Variants in IPCEF1 observed in about 807,000 individuals in gnomAD.
IPCEF1 encodes interactor protein for cytohesin exchange factors 1.
A neutral mutation model predicts 50.9 loss-of-function variants in IPCEF1; 31 were observed. The ratio of observed to expected loss-of-function variants is 0.61; its 90% CI spans 0.46 to 0.82. The LOEUF is 0.82. Ranked by LOEUF, IPCEF1 falls within the 40% of genes least tolerant of loss-of-function variation. The probability of loss-of-function intolerance (pLI) is 0.00; values close to 1 mark genes in which losing one functional copy is unlikely to be tolerated. For missense variants in IPCEF1, 458 were observed against 514.0 expected (o/e 0.89, Z 1.05); for synonymous variants, 181 against 192.0 (o/e 0.94, Z 0.47).
intron 2 of IPCEF1, among the ~76,000 whole-genome samples, chr6:154,283,595 C>A (rs1583944543): frequency 6.6e-6 from 1 of 151,892 alleles, no homozygotes; most frequent in Non-Finnish European, 1.5e-5. Flanking sequence ...GAGACTCCAT[C>A]TCAAAAAAAA....
chr6:154,332,112 G>A (rs6938560), intron 1 of IPCEF1, among the ~76,000 whole-genome samples: 3 of 152,070 alleles, frequency 2.0e-5, no homozygotes, highest in Admixed American at 6.6e-5. Context: ...ACAGACAACC[G>A]ATTTGTTGCC....
chr6:154,179,261 G>A (rs1485113328), intron 10 of IPCEF1, among the ~76,000 whole-genome samples: 1 of 152,168 alleles, frequency 6.6e-6, no homozygotes, highest in Non-Finnish European at 1.5e-5. Flanking sequence ...TAAGACTACA[G>A]CAGGCTTGTC....
chr6:154,182,992 T>A (rs1801027426), intron 10 of IPCEF1, among the ~76,000 whole-genome samples: 1 of 149,682 alleles, frequency 6.7e-6, no homozygotes, highest in Non-Finnish European at 1.5e-5. Flanking sequence ...TTTTTTCTTT[T>A]TTTTTGAGAC....
chr6:154,246,528 C>A (rs1385934385), intron 5 of IPCEF1, 63 bp downstream of exon 5: 32 of 1,516,034 alleles, frequency 2.1e-5, no homozygotes, highest in Non-Finnish European at 2.2e-5. Context: ...TAGGGATCAC[C>A]TGATGCCTTT....
intron 5 of IPCEF1, among the ~76,000 whole-genome samples, chr6:154,232,676 C>G (rs1304975078): frequency 6.6e-6 from 1 of 152,090 alleles, no homozygotes; most frequent in Admixed American, 6.5e-5. Flanking sequence ...AAAAAAACAA[C>G]CCTGGATTTG....
At chr6:154,171,741 T>C (rs1012065971) in intron 10 of IPCEF1, among the ~76,000 whole-genome samples, 3 of 152,180 alleles carry the variant, frequency 2.0e-5, no homozygotes, top group Non-Finnish European at 4.4e-5. Context: ...CTGGAGACAC[T>C]GGAAAGTCTT....
At chr6:154,306,760 ACT>A (rs150973214) in intron 1 of IPCEF1, 11 of 152,322 alleles carry the variant, frequency 7.2e-5, no homozygotes, top group Non-Finnish European at 1.5e-4. Context: ...CCAGTTGATG[ACT>A]CTGAAACTCA....
chr6:154,325,464 T>G (rs1334564737), intron 1 of IPCEF1, among the ~76,000 whole-genome samples: 1 of 152,216 alleles, frequency 6.6e-6, no homozygotes, highest in Non-Finnish European at 1.5e-5. Flanking sequence ...CTTCCCACCA[T>G]GTAATTTTTA....
At chr6:154,356,043 C>T (rs1784212482) in intron 1 of IPCEF1, among the ~76,000 whole-genome samples, 1 of 152,176 alleles carries the variant, frequency 6.6e-6, no homozygotes, top group South Asian at 2.1e-4. Flanking sequence ...CCACTCAAGA[C>T]TAATAGAGCC....
chr6:154,188,717 C>T (rs1448234845), intron 10 of IPCEF1, among the ~76,000 whole-genome samples: 3 of 152,070 alleles, frequency 2.0e-5, no homozygotes, highest in East Asian at 1.9e-4. Flanking sequence ...CACCAGCACT[C>T]GATTCATGAG....
chr6:154,212,717 T>C, intron 9 of IPCEF1, 53 bp downstream of exon 9: 3 of 1,187,368 alleles, frequency 2.5e-6, no homozygotes, highest in South Asian at 2.5e-5. Context: ...TTGGAAGAAA[T>C]GACATCCACA....
chr6:154,338,105 T>C (rs1203354411), intron 1 of IPCEF1, among the ~76,000 whole-genome samples: 1 of 152,238 alleles, frequency 6.6e-6, no homozygotes, highest in Admixed American at 6.5e-5. Context: ...TTGTCTCTGT[T>C]GATTTATCAT....
intron 1 of IPCEF1, among the ~76,000 whole-genome samples, chr6:154,294,104 C>A (rs1465786567): frequency 6.6e-6 from 1 of 152,128 alleles, no homozygotes; most frequent in African/African-American, 2.4e-5. Context: ...AATATATTAA[C>A]CTCCTAATTG....
intron 1 of IPCEF1, among the ~76,000 whole-genome samples, chr6:154,321,264 A>G (rs1441104159): frequency 1.3e-5 from 2 of 152,112 alleles, no homozygotes; most frequent in Non-Finnish European, 1.5e-5. Flanking sequence ...GTTACCTTTG[A>G]ACAATATTAC....
intron 10 of IPCEF1, among the ~76,000 whole-genome samples, chr6:154,181,667 C>T (rs911227408): frequency 1.3e-4 from 20 of 152,192 alleles, no homozygotes; most frequent in Non-Finnish European, 1.5e-5. Flanking sequence ...CAATCCCCAC[C>T]CGGAGCCTCT....
At chr6:154,178,689 C>A (rs983123612) in intron 10 of IPCEF1, among the ~76,000 whole-genome samples, 6 of 152,114 alleles carry the variant, frequency 3.9e-5, no homozygotes, top group African/African-American at 1.4e-4. Context: ...CTCAAAAAAA[C>A]CAATATCTTC....
intron 1 of IPCEF1, among the ~76,000 whole-genome samples, chr6:154,349,202 T>C (rs1386924698): frequency 4.0e-5 from 6 of 150,716 alleles, no homozygotes; most frequent in African/African-American, 1.5e-4. Flanking sequence ...ATTATTATTA[T>C]TATTATTGAG....
intron 4 of IPCEF1, 165 bp downstream of exon 4, chr6:154,247,284 A>T: frequency 1.7e-6 from 1 of 590,628 alleles, no homozygotes; most frequent in Non-Finnish European, 3.0e-6. Context: ...ACATGTCGTC[A>T]TTTCTTAAAA....
At chr6:154,160,990 T>G (rs1798966805) in intron 11 of IPCEF1, among the ~76,000 whole-genome samples, 1 of 152,160 alleles carries the variant, frequency 6.6e-6, no homozygotes, top group Non-Finnish European at 1.5e-5. Context: ...GCTCCTCACC[T>G]GCACTGGCAC....
Sources: allele counts gnomAD v4.1 joint callset (sites outside exome capture counted in the v4.1 genomes callset), GRCh38; gene constraint gnomAD v4.1.1; transcripts MANE v1.5; gene names NCBI Gene and HGNC (gene_info 2026-07-23, HGNC 2026-07-21).